Variants in BRD8 observed in about 807,000 individuals in gnomAD.
BRD8 encodes bromodomain-containing protein 8.
Under a neutral mutation model 143.1 loss-of-function variants are expected in BRD8, and 67 were observed. The observed-to-expected ratio is 0.47, with a 90% confidence interval of 0.38 to 0.57. BRD8 has a LOEUF of 0.57. Among genes scored for constraint, BRD8 ranks in the 20% least tolerant of loss-of-function variants. The pLI is 0.00. For missense variants in BRD8, 1,103 were observed against 1,503.0 expected, an observed-to-expected ratio of 0.73 and a Z score of 4.40; for synonymous variants, 505 against 517.1, an observed-to-expected ratio of 0.98 and a Z score of 0.32.
chr5:138,145,786 T>C lies in BRD8; in HGVS notation c.3368+3A>G, dbSNP rs1428416000. ...TAATCCTATTACCACTTTGGAGACC[T>C]ACCTGTGACTGGCAATCATCTTCCA... On this transcript the variant is annotated splice_donor_region_variant and intron_variant, in intron 24 of 26. Transcript: ENST00000254900. 6.2e-7 allele frequency: 1 copy of C among 1,613,192 alleles called. No individual in the cohort carries two copies. The highest frequency in any genetic ancestry group is 1.7e-5 in the Admixed American group (1 of 60,028).
intron 20 of BRD8, among the ~76,000 whole-genome samples, chr5:138,153,420 A>C (rs899644339): frequency 6.6e-5 from 10 of 151,906 alleles, no homozygotes; most frequent in African/African-American, 2.4e-4. Context: ...TTTCTTATTA[A>C]TGTATTTTAA....
At chr5:138,159,699 G>C in intron 19 of BRD8, 100 bp from the exon 20 acceptor site, 1 of 1,161,142 alleles carries the variant, frequency 8.6e-7, no homozygotes, top group Non-Finnish European at 1.3e-6. Flanking sequence ...CACACACAAG[G>C]ACAAAATTTT....
intron 20 of BRD8, among the ~76,000 whole-genome samples, chr5:138,159,066 T>C (rs1315836179): frequency 2.0e-5 from 3 of 151,930 alleles, no homozygotes; most frequent in East Asian, 1.9e-4. Flanking sequence ...GTTGGAATTA[T>C]AGACGTAAAC....
rs774725975 is a variant in BRD8 at position 138,171,372 on chromosome 5, A to G, written c.225T>C (p.Thr75=). 3 of 1,607,710 alleles carry G rather than the reference A, an allele frequency of 1.9e-6. No individual in the cohort carries two copies. The highest frequency in any genetic ancestry group is 2.5e-6 in the Non-Finnish European group (3 of 1,177,520). ...GGCTTTGTACTCACTTTGGTGTCTC[A>G]GTGGTCTCTAAAAGCTCCGAGTACT... ...ASQYSELLET[T]ETPKRKRGEK... is the part of the protein sequence containing the mutation. Residue 75 remains threonine, a synonymous_variant, in exon 4 of 27, where the codon ACT becomes ACC. Transcript: ENST00000254900.
At position 138,164,847 on chromosome 5, in the gene BRD8, C is replaced by T. The variant is rs770022171; in HGVS notation, c.1598G>A (p.Ser533Asn). 5 of 1,614,108 alleles carry T rather than the reference C, an allele frequency of 3.1e-6. No individual in the cohort carries two copies. In the African/African-American group the frequency reaches 5.3e-5, roughly 17 times the overall value. ...ACTCCTGAGTTCTGGTGGCTCCATACTTGTGGCTGGAACAACTCCAGCTAC... is the reference window on the plus strand; with the variant it reads ...ACTCCTGAGTTCTGGTGGCTCCATATTTGTGGCTGGAACAACTCCAGCTAC... Reference protein sequence around the residue: ...EIVAGVVPATSMEPPELRSQD... With the variant: ...EIVAGVVPATNMEPPELRSQD... Residue 533 changes from serine (S) to asparagine (N), a missense_variant, in exon 12 of 27, where the codon AGT becomes AAT. Physicochemically the swap from Ser to Asn is conservative, Grantham distance 46 (BLOSUM62 1). Transcript: ENST00000254900.
At position 138,149,732 on chromosome 5, in the gene BRD8, G is replaced by T. The variant is rs761950545; in HGVS notation, c.3186C>A (p.Asp1062Glu). 6.2e-7 allele frequency: 1 copy of T among 1,613,806 alleles called. No homozygotes were observed. Among genetic ancestry groups the T allele is most frequent in the South Asian group, 1.1e-5 (1 of 91,028 alleles). Residue 1062 changes from aspartate (D) to glutamate (E), a missense_variant, in exon 23 of 27, where the codon GAC (aspartate) becomes GAA (glutamate). Around this residue, in one of 7 missense-constraint regions of BRD8, gnomAD observed 369 missense variants for 445.5 expected, o/e 0.83. Coordinates refer to ENST00000254900, the MANE Select transcript of BRD8 (RefSeq NM_139199.2). ...QGEVYVSEME[D>E]QPPSGECDDA... Reference sequence around the variant, plus strand: ...CATCACACTCGCCTGAAGGGGGCTGGTCTTCCATCTCTGACACATATACTT... The same window carrying T: ...CATCACACTCGCCTGAAGGGGGCTGTTCTTCCATCTCTGACACATATACTT...
rs779456548 is a variant in BRD8 at position 138,152,706 on chromosome 5, C to CA, written c.2631dup (p.Glu878Ter). The CA allele has an allele frequency of 2.1e-5, 34 of 1,614,108 alleles. No individual in the cohort carries two copies. The highest frequency in any genetic ancestry group is 2.7e-5 in the Non-Finnish European group (32 of 1,180,052). ...AGGGACCTGCAGTCATTGCTCAACT[C>CA]AGAGTCATTGGGATGATCTTGTTCA... On this transcript the variant is annotated frameshift_variant, in exon 21 of 27. Transcript: ENST00000254900. LOFTEE classifies it high-confidence loss of function.
At chr5:138,141,374 C>T (rs760554906) in intron 25 of BRD8, among the ~76,000 whole-genome samples, 1 of 152,220 alleles carries the variant, frequency 6.6e-6, no homozygotes, top group Non-Finnish European at 1.5e-5. Flanking sequence ...AGGGGATCCA[C>T]CTTCCTTGGC....
At chr5:138,142,418 C>T (rs553273816) in intron 25 of BRD8, among the ~76,000 whole-genome samples, 1 of 152,310 alleles carries the variant, frequency 6.6e-6, no homozygotes, top group African/African-American at 2.4e-5. Flanking sequence ...TGATCTTTTA[C>T]ATTCTATTAC....
rs1561625800 is a variant in BRD8, at chr5:138,178,244, C to CA, written c.19+351dup. On this transcript the variant is annotated intron_variant, in intron 1 of 26. Transcript: ENST00000254900. ...CTTCCACTGCCTCACAAACGTCAGA[C>CA]AAAAAAATGAATGGCTCTTTGAGGT... 2.6e-5 allele frequency among the ~76,000 whole-genome samples: 4 copies of CA among 152,182 alleles called. No homozygotes were observed. In the South Asian group the frequency reaches 6.2e-4, roughly 24 times the overall value.
At chr5:138,164,532 T>A in intron 12 of BRD8, 119 bp from the exon 13 acceptor site, 1 of 1,165,158 alleles carries the variant, frequency 8.6e-7, no homozygotes, top group Non-Finnish European at 1.2e-6. Flanking sequence ...TCATGTAATG[T>A]GACTCCAATG....
chr5:138,161,719 A>G, intron 17 of BRD8, 77 bp downstream of exon 17: 1 of 1,464,682 alleles, frequency 6.8e-7, no homozygotes, highest in Non-Finnish European at 9.4e-7. Flanking sequence ...TAAACTTTCT[A>G]TCGAAAGCAA....
chr5:138,174,630 A>T (rs1262933997), intron 2 of BRD8, among the ~76,000 whole-genome samples: 5 of 151,886 alleles, frequency 3.3e-5, no homozygotes, highest in African/African-American at 1.2e-4. Context: ...CACATCAATT[A>T]TATCACAAAA....
chr5:138,145,276 GA>G (rs1293749165), intron 24 of BRD8, 31 bp from the exon 25 acceptor site: 2 of 1,604,424 alleles, frequency 1.2e-6, no homozygotes, highest in Non-Finnish European at 1.7e-6. Flanking sequence ...AGAGGATAAA[GA>G]AACCCTGGCA....
intron 25 of BRD8, among the ~76,000 whole-genome samples, chr5:138,144,048 C>T (rs186733056): frequency 3.3e-5 from 5 of 152,038 alleles, no homozygotes; most frequent in African/African-American, 9.7e-5. Context: ...TAACACTCAC[C>T]GTGAAGGTCA....
chr5:138,145,763 A>T, intron 24 of BRD8, 26 bp downstream of exon 24: 1 of 1,588,584 alleles, frequency 6.3e-7, no homozygotes, highest in African/African-American at 1.3e-5. Flanking sequence ...TCTGAACATA[A>T]TCCTATTACC....
At chr5:138,151,160 T>C in intron 21 of BRD8, 152 bp from the exon 22 acceptor site, 1 of 1,003,908 alleles carries the variant, frequency 1.0e-6, no homozygotes, top group Non-Finnish European at 1.5e-6. Flanking sequence ...TCTGCCAAAA[T>C]ATCTTATATA....
chr5:138,153,084 C>T (rs1752433062), intron 20 of BRD8, among the ~76,000 whole-genome samples: 1 of 152,156 alleles, frequency 6.6e-6, no homozygotes, highest in Admixed American at 6.6e-5. Context: ...AGAACTGGAG[C>T]ATAGCTAGCT....
intron 2 of BRD8, among the ~76,000 whole-genome samples, chr5:138,175,992 A>C (rs916576703): frequency 1.7e-4 from 26 of 152,092 alleles, no homozygotes; most frequent in Non-Finnish European, 2.6e-4. Context: ...CTTGAATAAA[A>C]AACTCAAGAG....
Sources: gnomAD v4.1 joint callset for allele counts (sites outside exome capture counted in the v4.1 genomes callset) on GRCh38, gnomAD v4.1.1 for gene constraint, gnomAD v4.1.1 regional missense constraint, MANE v1.5 for transcripts, NCBI Gene and HGNC (gene_info 2026-07-23, HGNC 2026-07-21) for gene names.